DLGAP2: variants seen among roughly 807,000 people sequenced by gnomAD.
DLGAP2 encodes disks large-associated protein 2.
DLGAP2 carries 26 observed loss-of-function variants against 100.3 expected under a neutral mutation model. That is an observed-to-expected ratio of 0.26 (90% CI 0.19 to 0.36). The LOEUF (loss-of-function observed/expected upper bound fraction) is 0.36. DLGAP2 is among the 10% of genes least tolerant of loss of function. The pLI, the probability that DLGAP2 is intolerant of heterozygous loss-of-function variation, is 1.00. For missense variants in DLGAP2, 1,858 were observed against 1,453.2 expected, an observed-to-expected ratio of 1.28 and a Z score of -4.53; for synonymous variants, 886 against 630.1, an observed-to-expected ratio of 1.41 and a Z score of -6.08.
chr8:1,342,861 C>G (rs1033444866), intron 3 of DLGAP2, among the ~76,000 whole-genome samples: 5 of 152,178 alleles, frequency 3.3e-5, no homozygotes, highest in Non-Finnish European at 7.3e-5. Flanking sequence ...AATTCTTTCC[C>G]TTACCTTTTG....
At chr8:1,337,267 G>GA (rs1186040496) in intron 3 of DLGAP2, among the ~76,000 whole-genome samples, 2 of 149,768 alleles carry the variant, frequency 1.3e-5, no homozygotes, top group Non-Finnish European at 3.0e-5. Flanking sequence ...TGGTGATGAT[G>GA]AGGATGATGG....
intron 2 of DLGAP2, among the ~76,000 whole-genome samples, chr8:1,053,274 A>G (rs1281184679): frequency 6.6e-6 from 1 of 152,202 alleles, no homozygotes; most frequent in Admixed American, 6.5e-5. Context: ...TAATGCTATC[A>G]GACCTCAGCC....
intron 1 of DLGAP2, among the ~76,000 whole-genome samples, chr8:869,083 G>T (rs984005062): frequency 1.3e-5 from 2 of 152,128 alleles, no homozygotes; most frequent in Non-Finnish European, 2.9e-5. Context: ...GGCTGCCCTG[G>T]GCCCTCCCTT....
chr8:1,489,448 T>A (rs1799315624), intron 3 of DLGAP2, among the ~76,000 whole-genome samples: 1 of 152,188 alleles, frequency 6.6e-6, no homozygotes, highest in South Asian at 2.1e-4. Context: ...TGACCCACGT[T>A]AGAGGAAGAA....
intron 6 of DLGAP2, among the ~76,000 whole-genome samples, chr8:1,620,782 G>C (rs1032238288): frequency 6.6e-6 from 1 of 152,066 alleles, no homozygotes; most frequent in African/African-American, 2.4e-5. Context: ...CAGGCCCCAC[G>C]CACAGGGACC....
At position 914,219 on chromosome 8, in the gene DLGAP2, C is replaced by T. The variant is rs553615197; in HGVS notation, c.73+6253C>T. ...CAGCAAAAGCAAAGTCAGGGCTGAG[C>T]TGGAGGGAGGAAGCGAAGGCAGATG... is the stretch of plus-strand genomic sequence containing the variant. On this transcript the variant is annotated intron_variant, in intron 2 of 14. Transcript: ENST00000637795. 2.0e-5 allele frequency among the ~76,000 whole-genome samples: 3 copies of T among 152,230 alleles called. No individual in the cohort carries two copies. The South Asian group carries it at 6.2e-4, about 32-fold the overall frequency.
At chr8:1,512,711 A>G (rs56732103) in intron 4 of DLGAP2, among the ~76,000 whole-genome samples, 2 of 152,338 alleles carry the variant, frequency 1.3e-5, no homozygotes, top group South Asian at 2.1e-4. Flanking sequence ...TGAGTACCCC[A>G]GCTCGCTGTG....
intron 1 of DLGAP2, among the ~76,000 whole-genome samples, chr8:796,406 C>T (rs1322835437): frequency 3.3e-5 from 5 of 151,990 alleles, no homozygotes; most frequent in African/African-American, 9.7e-5. Flanking sequence ...CTCAGGATTT[C>T]CCTGCGACTG....
intron 2 of DLGAP2, among the ~76,000 whole-genome samples, chr8:1,112,237 A>ATT (rs4044488): frequency 0.094 from 9,182 of 97,960 alleles, 1,098 homozygotes; most frequent in African/African-American, 0.2. Context: ...TCCTTTGCCC[A>ATT]TTTTTTTTTT....
chr8:1,633,133 C>CAG, intron 8 of DLGAP2, 87 bp downstream of exon 8: 7 of 1,298,554 alleles, frequency 5.4e-6, no homozygotes, highest in African/African-American at 1.5e-5. Flanking sequence ...GCACACAGCA[C>CAG]CACAGTACAA....
chr8:783,790 T>A (rs1284020371), intron 1 of DLGAP2, among the ~76,000 whole-genome samples: 1 of 152,174 alleles, frequency 6.6e-6, no homozygotes, highest in Non-Finnish European at 1.5e-5. Flanking sequence ...TGCCCTTGGG[T>A]GTCAGAACAA....
At chr8:1,284,851 C>G (rs1270349279) in intron 3 of DLGAP2, among the ~76,000 whole-genome samples, 5 of 152,180 alleles carry the variant, frequency 3.3e-5, no homozygotes, top group East Asian at 1.9e-4. Flanking sequence ...CCTCCCACCT[C>G]AAAGTGCTGG....
chr8:961,786 A>T (rs1329328375), intron 2 of DLGAP2, among the ~76,000 whole-genome samples: 4 of 152,172 alleles, frequency 2.6e-5, no homozygotes, highest in Admixed American at 2.6e-4. Context: ...CGTTTGTGTA[A>T]ATTTTTTGTT....
intron 1 of DLGAP2, among the ~76,000 whole-genome samples, chr8:812,101 AG>A (rs1202006347): frequency 2.0e-5 from 3 of 152,196 alleles, no homozygotes; most frequent in African/African-American, 7.2e-5. Context: ...TCTCTGCAAG[AG>A]GGAGGGAAGG....
chr8:1,560,886 C>T (rs1005691759), intron 5 of DLGAP2, among the ~76,000 whole-genome samples: 2 of 152,220 alleles, frequency 1.3e-5, no homozygotes, highest in African/African-American at 4.8e-5. Flanking sequence ...CTTACCTGAC[C>T]TACAGCTCTG....
chr8:1,272,070 G>A (rs1799595035), intron 3 of DLGAP2, among the ~76,000 whole-genome samples: 2 of 152,044 alleles, frequency 1.3e-5, no homozygotes, highest in African/African-American at 2.4e-5. Context: ...CCTGCCTCAG[G>A]CTCCCAAAAT....
chr8:1,460,004 G>A (rs1798429236), intron 3 of DLGAP2, among the ~76,000 whole-genome samples: 3 of 152,178 alleles, frequency 2.0e-5, no homozygotes, highest in African/African-American at 7.2e-5. Flanking sequence ...GTAATGGAAT[G>A]AAGTCAGTAA....
chr8:1,027,924 G>A (rs555996912), intron 2 of DLGAP2, among the ~76,000 whole-genome samples: 12 of 142,958 alleles, frequency 8.4e-5, no homozygotes, highest in African/African-American at 2.4e-4. Context: ...TGGGGTGCTC[G>A]GTGCCTGTTA....
intron 1 of DLGAP2, among the ~76,000 whole-genome samples, chr8:856,740 T>C (rs1797285686): frequency 6.6e-6 from 1 of 152,340 alleles, no homozygotes; most frequent in East Asian, 1.9e-4. Context: ...ATCTAAGTAA[T>C]GGGGAGGCAC....
Sources: allele counts gnomAD v4.1 joint callset (sites outside exome capture counted in the v4.1 genomes callset), GRCh38; gene constraint gnomAD v4.1.1; transcripts MANE v1.5; gene names NCBI Gene and HGNC (gene_info 2026-07-23, HGNC 2026-07-21).